Variants in ADAMTS18 observed in about 807,000 individuals in gnomAD.
The protein encoded by ADAMTS18 is A disintegrin and metalloproteinase with thrombospondin motifs 18.
A neutral mutation model predicts 165.9 loss-of-function variants in ADAMTS18; 157 were observed. The ratio of observed to expected loss-of-function variants is 0.95; its 90% CI spans 0.83 to 1.08. The LOEUF is 1.08. ADAMTS18 is among the 50% of genes least tolerant of loss of function. The pLI is 0.00. For missense variants in ADAMTS18, 2,040 were observed against 1,534.0 expected (o/e 1.33, Z -5.51); for synonymous variants, 782 against 578.2 (o/e 1.35, Z -5.06).
At chr16:77,337,504 A>G (rs542871415) in intron 11 of ADAMTS18, among the ~76,000 whole-genome samples, 124 of 152,304 alleles carry the variant, frequency 8.1e-4, no homozygotes, top group African/African-American at 2.9e-3. Flanking sequence ...GACACAAACT[A>G]CCCAAACAGA....
intron 9 of ADAMTS18, among the ~76,000 whole-genome samples, chr16:77,355,339 T>C (rs1470252904): frequency 1.3e-5 from 2 of 152,144 alleles, no homozygotes; most frequent in Non-Finnish European, 2.9e-5. Context: ...AAAAGCATTT[T>C]ATATAGCTAC....
At chr16:77,302,297 A>C (rs1003635422) in intron 16 of ADAMTS18, among the ~76,000 whole-genome samples, 1 of 152,188 alleles carries the variant, frequency 6.6e-6, no homozygotes, top group Non-Finnish European at 1.5e-5. Context: ...ATTCAATTTC[A>C]TATTCGGTTA....
At chr16:77,386,535 G>A (rs34659811) in intron 3 of ADAMTS18, among the ~76,000 whole-genome samples, 29,070 of 151,930 alleles carry the variant, frequency 0.19, 3,487 homozygotes, top group Non-Finnish European at 0.28. Flanking sequence ...GAGAGTGGCC[G>A]CCCCATAAAG....
At chr16:77,341,226 G>A (rs961920602) in intron 11 of ADAMTS18, among the ~76,000 whole-genome samples, 4 of 152,156 alleles carry the variant, frequency 2.6e-5, no homozygotes, top group Non-Finnish European at 2.9e-5. Flanking sequence ...AGGTGGAGGC[G>A]TCTCTTACCC....
intron 16 of ADAMTS18, among the ~76,000 whole-genome samples, chr16:77,310,030 C>A (rs2055751543): frequency 6.6e-6 from 1 of 152,150 alleles, no homozygotes. Context: ...TGATCAGATA[C>A]AGTGGTTTTT....
chr16:77,353,812 C>A lies in ADAMTS18; in HGVS notation c.1535G>T (p.Gly512Val), dbSNP rs2056590098. ...GQYKYPDKLPGQIYDADTQCK... is the reference protein window; with the variant it reads ...GQYKYPDKLPVQIYDADTQCK... ...CTGTGTGTCAGCATCATAAATCTGT[C>A]CTGGTAGTTTGTCCGGATATTTATA... The change falls in exon 10 of 23, where the codon GGA becomes GTA. Residue 512 changes from glycine to valine, a missense_variant. By Grantham distance (109) the Gly-to-Val change is moderately radical (BLOSUM62 -3). Coordinates refer to ENST00000282849, the MANE Select transcript of ADAMTS18 (RefSeq NM_199355.4). 2 of 1,614,012 alleles carry A rather than the reference C, an allele frequency of 1.2e-6. No individual in the cohort carries two copies. The highest frequency in any genetic ancestry group is 1.7e-5 in the Admixed American group (1 of 59,996).
At chr16:77,336,867 G>C (rs2056318904) in intron 11 of ADAMTS18, among the ~76,000 whole-genome samples, 1 of 152,206 alleles carries the variant, frequency 6.6e-6, no homozygotes, top group African/African-American at 2.4e-5. Context: ...TAGCATAACT[G>C]CTCTTTTCTA....
chr16:77,371,367 T>C (rs1292483677), intron 3 of ADAMTS18, among the ~76,000 whole-genome samples: 2 of 152,128 alleles, frequency 1.3e-5, no homozygotes, highest in African/African-American at 4.8e-5. Flanking sequence ...AACATCACAT[T>C]ACTCAACTTT....
At chr16:77,288,689 C>T (rs535202251) in intron 22 of ADAMTS18, among the ~76,000 whole-genome samples, 1 of 152,128 alleles carries the variant, frequency 6.6e-6, no homozygotes, top group African/African-American at 2.4e-5. Context: ...TTATAGTTGT[C>T]TCCTCCATTA....
intron 17 of ADAMTS18, among the ~76,000 whole-genome samples, chr16:77,298,395 T>C (rs2144586522): frequency 6.6e-6 from 1 of 152,314 alleles, no homozygotes; most frequent in East Asian, 1.9e-4. Flanking sequence ...AACTTTGTCT[T>C]CAAATATAAT....
At chr16:77,301,909 C>T (rs2055590312) in intron 16 of ADAMTS18, among the ~76,000 whole-genome samples, 1 of 151,028 alleles carries the variant, frequency 6.6e-6, no homozygotes, top group African/African-American at 2.4e-5. Flanking sequence ...AGTACCATTA[C>T]ATGAACAAAT....
At chr16:77,348,649 C>T (rs1242802365) in intron 10 of ADAMTS18, among the ~76,000 whole-genome samples, 1 of 152,184 alleles carries the variant, frequency 6.6e-6, no homozygotes, top group East Asian at 1.9e-4. Flanking sequence ...CTTTGGTTAT[C>T]ACTGTAAGCC....
In ADAMTS18 at chr16:77,355,957, A is replaced by G. The variant is rs746911694; in HGVS notation, c.1443T>C (p.Tyr481=). The G allele has an allele frequency of 6.2e-6, 10 of 1,613,936 alleles. No individual in the cohort carries two copies. In the African/African-American group the frequency reaches 1.3e-4, roughly 22 times the overall value. ...VFSWSSCSRQ[Y]LKKFLSTPQA... is the part of the protein sequence containing the mutation. ...TGTCATACCTGAGGAATTTCTTGAG[A>G]TACTGGCGGCTGCAGGAAGACCATG... Residue 481 remains tyrosine (Y), a synonymous_variant, in exon 9 of 23, where the codon TAT becomes TAC. Transcript: ENST00000282849.
rs564837101 is a variant in ADAMTS18, at chr16:77,306,500, T to A, written c.2533-6096A>T. Among the ~76,000 whole-genome samples, 3 of 152,348 alleles carry A rather than the reference T, an allele frequency of 2.0e-5. No homozygotes were observed. The South Asian group carries it at 6.2e-4, about 32-fold the overall frequency. ...CGTCCCCACTTTTAATTTTTAATGT[T>A]AAAACTTTTTAAAATTCCTTCAGTC... On this transcript the variant is annotated intron_variant, in intron 16 of 22. Coordinates refer to ENST00000282849, the MANE Select transcript of ADAMTS18 (RefSeq NM_199355.4).
rs2650906 is a variant in ADAMTS18 at position 77,362,557 on chromosome 16, C to A, written c.1057-293G>T. Among the ~76,000 whole-genome samples, 81,665 of 151,988 alleles carry A rather than the reference C, an allele frequency of 0.54. 22,440 individuals carry two copies. The highest frequency in any genetic ancestry group is 0.59 in the Non-Finnish European group (39,792 of 67,928). ...CTTACCTAGTACTACCTTTATAAAA[C>A]CGTTACAACTTTTAAAACATGATAA... is the stretch of plus-strand genomic sequence containing the variant. On this transcript the variant is annotated intron_variant, in intron 6 of 22. Coordinates refer to ENST00000282849, the MANE Select transcript of ADAMTS18 (RefSeq NM_199355.4).
chr16:77,348,905 G>A (rs1406528854), intron 10 of ADAMTS18, among the ~76,000 whole-genome samples: 1 of 152,142 alleles, frequency 6.6e-6, no homozygotes, highest in African/African-American at 2.4e-5. Context: ...GTCACTGGGT[G>A]GCCACACAGC....
chr16:77,420,125 A>G (rs917565973), intron 3 of ADAMTS18, among the ~76,000 whole-genome samples: 2 of 150,560 alleles, frequency 1.3e-5, no homozygotes, highest in African/African-American at 4.9e-5. Context: ...AGCAAACTAG[A>G]TTCTCAGACA....
chr16:77,336,870 CT>C (rs1232411449), intron 11 of ADAMTS18, among the ~76,000 whole-genome samples: 1 of 152,196 alleles, frequency 6.6e-6, no homozygotes, highest in Non-Finnish European at 1.5e-5. Flanking sequence ...CATAACTGCT[CT>C]TTTCTAAAAG....
chr16:77,409,454 A>G (rs569905560), intron 3 of ADAMTS18, among the ~76,000 whole-genome samples: 4 of 152,232 alleles, frequency 2.6e-5, no homozygotes, highest in African/African-American at 9.6e-5. Flanking sequence ...GAGAATAACA[A>G]AAAACTGTTC....
Sources: gnomAD v4.1 joint callset for allele counts (sites outside exome capture counted in the v4.1 genomes callset) on GRCh38, gnomAD v4.1.1 for gene constraint, MANE v1.5 for transcripts, NCBI Gene and HGNC (gene_info 2026-07-23, HGNC 2026-07-21) for gene names.